The following RABGAP1L variants were observed in gnomAD, a reference collection of about 807,000 sequenced individuals.
The protein encoded by RABGAP1L is rab GTPase-activating protein 1-like.
RABGAP1L carries 63 observed loss-of-function variants against 137.7 expected under a neutral mutation model. The ratio of observed to expected loss-of-function variants is 0.46; its 90% CI spans 0.37 to 0.56. The LOEUF (loss-of-function observed/expected upper bound fraction) is 0.56. Among genes scored for constraint, RABGAP1L ranks in the 20% least tolerant of loss-of-function variants. The pLI, the probability that RABGAP1L is intolerant of heterozygous loss-of-function variation, is 0.00. For synonymous variants in RABGAP1L, 431 were observed against 433.7 expected, an observed-to-expected ratio of 0.99 and a Z score of 0.08; for missense variants, 1,095 against 1,244.0, an observed-to-expected ratio of 0.88 and a Z score of 1.80.
At chr1:174,870,518 C>T (rs1215320290) in intron 19 of RABGAP1L, among the ~76,000 whole-genome samples, 1 of 152,172 alleles carries the variant, frequency 6.6e-6, no homozygotes, top group Admixed American at 6.5e-5. Flanking sequence ...TATCCTTTAG[C>T]TTGCACACTA....
intron 13 of RABGAP1L, among the ~76,000 whole-genome samples, chr1:174,463,837 G>A (rs1656995433): frequency 6.6e-6 from 1 of 151,932 alleles, no homozygotes; most frequent in Non-Finnish European, 1.5e-5. Context: ...ACAGATGTTG[G>A]TGAGGTTGCA....
chr1:174,756,311 T>G (rs1393438483), intron 18 of RABGAP1L, among the ~76,000 whole-genome samples: 2 of 151,990 alleles, frequency 1.3e-5, no homozygotes, highest in African/African-American at 4.8e-5. Context: ...CACCAAGCCC[T>G]GCTAAATTTT....
At chr1:174,701,282 G>T in intron 16 of RABGAP1L, 2 of 1,129,460 alleles carry the variant, frequency 1.8e-6, no homozygotes, top group Non-Finnish European at 1.1e-6. Context: ...TTATACCTTT[G>T]CATAATTTCT....
In RABGAP1L at chr1:174,488,814, A is replaced by G. The variant is rs535461427; in HGVS notation, c.1710+94669A>G. Among the ~76,000 whole-genome samples the G allele has an allele frequency of 4.5e-4, 68 of 151,712 alleles. 1 individual carries two copies. The highest frequency in any genetic ancestry group is 7.7e-4 in the Non-Finnish European group (52 of 67,934). ...AAGTTCTAGGGTACATGTGCACAAC[A>G]TGCAGGTTAGTTACATATGTATACA... On this transcript the variant is annotated intron_variant, in intron 13 of 25. Transcript: ENST00000681986.
intron 4 of RABGAP1L, 150 bp downstream of exon 4, chr1:174,231,505 T>C: frequency 1.4e-6 from 1 of 706,484 alleles, no homozygotes; most frequent in Non-Finnish European, 2.4e-6. Flanking sequence ...GTGTTCATTG[T>C]TTGAAAGGGG....
chr1:174,831,780 A>G lies in RABGAP1L; in HGVS notation c.2340+19820A>G, dbSNP rs143984820. Among the ~76,000 whole-genome samples, 1,280 of 148,264 alleles carry G rather than the reference A, an allele frequency of 8.6e-3. 127 individuals are homozygous for G. The highest frequency in any genetic ancestry group is 0.012 in the Non-Finnish European group (824 of 66,662). The stretch of plus-strand genomic sequence containing the variant: ...AAAACGCTACAACTTTGTTCCTTAT[A>G]AAATAATCAGACCTGTATAGTCAGT... On this transcript the variant is annotated intron_variant, in intron 19 of 25. Coordinates refer to ENST00000681986, the MANE Select transcript of RABGAP1L (RefSeq NM_001366446.1).
At chr1:174,693,170 T>C (rs1240542823) in intron 15 of RABGAP1L, among the ~76,000 whole-genome samples, 2 of 152,206 alleles carry the variant, frequency 1.3e-5, no homozygotes, top group Non-Finnish European at 2.9e-5. Flanking sequence ...AATGAGGAAT[T>C]GGTAGCAGCT....
At chr1:174,762,099 C>T (rs534747306) in intron 18 of RABGAP1L, among the ~76,000 whole-genome samples, 11 of 151,924 alleles carry the variant, frequency 7.2e-5, no homozygotes, top group Admixed American at 3.3e-4. Flanking sequence ...TGGAAGCCAG[C>T]GAGACTGCAA....
At chr1:174,352,955 T>C (rs1683322645) in intron 11 of RABGAP1L, among the ~76,000 whole-genome samples, 1 of 152,196 alleles carries the variant, frequency 6.6e-6, no homozygotes, top group African/African-American at 2.4e-5. Flanking sequence ...TGTGCTGAGC[T>C]ACCTGGTGTT....
At chr1:174,507,786 A>C (rs1311909499) in intron 13 of RABGAP1L, among the ~76,000 whole-genome samples, 1 of 152,122 alleles carries the variant, frequency 6.6e-6, no homozygotes, top group Admixed American at 6.5e-5. Context: ...TAGATAATAA[A>C]ATATTGCTGA....
intron 19 of RABGAP1L, among the ~76,000 whole-genome samples, chr1:174,896,191 C>T (rs1657132549): frequency 6.6e-6 from 1 of 152,142 alleles, no homozygotes; most frequent in Non-Finnish European, 1.5e-5. Flanking sequence ...CTCTGATGGC[C>T]AGTGATGATG....
intron 10 of RABGAP1L, among the ~76,000 whole-genome samples, chr1:174,298,448 G>A (rs1421696176): frequency 6.6e-6 from 1 of 152,168 alleles, no homozygotes; most frequent in Non-Finnish European, 1.5e-5. Flanking sequence ...GGAAGCTTGG[G>A]CTTGGCTTAA....
chr1:174,247,277 C>G (rs1259031383), intron 5 of RABGAP1L, among the ~76,000 whole-genome samples: 1 of 152,148 alleles, frequency 6.6e-6, no homozygotes, highest in African/African-American at 2.4e-5. Context: ...AAATTACATA[C>G]AGGTGTTCTC....
chr1:174,664,606 A>G (rs76656393), intron 14 of RABGAP1L, among the ~76,000 whole-genome samples: 3,216 of 152,172 alleles, frequency 0.021, 53 homozygotes, highest in Middle Eastern at 0.085. Flanking sequence ...AATATTACCA[A>G]TATTTTTTAA....
chr1:174,597,707 C>T (rs1422400687), intron 13 of RABGAP1L, among the ~76,000 whole-genome samples: 1 of 151,764 alleles, frequency 6.6e-6, no homozygotes, highest in Non-Finnish European at 1.5e-5. Flanking sequence ...GTGTATTGTT[C>T]TTTTTCTCTT....
At chr1:174,823,381 A>G (rs1015451400) in intron 19 of RABGAP1L, among the ~76,000 whole-genome samples, 1 of 152,178 alleles carries the variant, frequency 6.6e-6, no homozygotes, top group Non-Finnish European at 1.5e-5. Context: ...TCCCGCAACC[A>G]TTTACCGTGA....
chr1:174,689,729 G>A (rs1678740828), intron 15 of RABGAP1L, among the ~76,000 whole-genome samples: 2 of 152,086 alleles, frequency 1.3e-5, no homozygotes, highest in Non-Finnish European at 2.9e-5. Context: ...TTTTCTTCCT[G>A]TTGGACTTTG....
At chr1:174,196,762 A>G (rs1382367096) in intron 1 of RABGAP1L, among the ~76,000 whole-genome samples, 2 of 152,028 alleles carry the variant, frequency 1.3e-5, no homozygotes, top group Non-Finnish European at 2.9e-5. Flanking sequence ...TTTTATAAAC[A>G]TGTTTTCCTG....
intron 20 of RABGAP1L, 186 bp downstream of exon 20, chr1:174,957,735 T>C (rs1313766060): frequency 1.1e-6 from 1 of 878,748 alleles, no homozygotes; most frequent in Non-Finnish European, 1.8e-6. Flanking sequence ...TTTTTTTTTT[T>C]TTTTTTTTTT....
Sources: allele counts gnomAD v4.1 joint callset (sites outside exome capture counted in the v4.1 genomes callset), GRCh38; gene constraint gnomAD v4.1.1; transcripts MANE v1.5; gene names NCBI Gene and HGNC (gene_info 2026-07-23, HGNC 2026-07-21).